The following ARPC5L variants were observed in gnomAD, a reference collection of about 807,000 sequenced individuals.
ARPC5L encodes the protein actin related protein 2/3 complex subunit 5 like.
ARPC5L carries 4 observed loss-of-function variants against 16.9 expected under a neutral mutation model. The ratio of observed to expected loss-of-function variants is 0.24; its 90% CI spans 0.12 to 0.54. The LOEUF (loss-of-function observed/expected upper bound fraction) is 0.54, where lower values mean the gene tolerates loss of function less well. Ranked by LOEUF, ARPC5L falls within the 20% of genes least tolerant of loss-of-function variation. ARPC5L has a pLI of 0.95. For missense variants in ARPC5L, 151 were observed against 201.9 expected (o/e 0.75, Z 1.53); for synonymous variants, 78 against 82.6 (o/e 0.94, Z 0.30).
chr9:124,866,590 G>A (rs553408281), intron 2 of ARPC5L, among the ~76,000 whole-genome samples: 1 of 151,726 alleles, frequency 6.6e-6, no homozygotes, highest in African/African-American at 2.4e-5. Flanking sequence ...GCATGGTGGC[G>A]CATGCCTGTA....
rs374742736 is a variant in ARPC5L at position 124,869,011 on chromosome 9, A to G, written c.-280A>G. The G allele has an allele frequency of 3.6e-5, 12 of 331,780 alleles. No homozygotes were observed. Among genetic ancestry groups the G allele is most frequent in the African/African-American group, 2.4e-4 (11 of 46,568 alleles). The allele number at this position is 331,780 out of a possible 1,614,324, so 20.6% of individuals were successfully genotyped here. On this transcript the variant is annotated 5_prime_UTR_variant, in exon 3 of 6. Coordinates refer to ENST00000353214, the MANE Select transcript of ARPC5L (RefSeq NM_030978.3). ...GCCGGGCGCCCGATCCTCAGTGACA[A>G]AATAGAGACTCCGTGGAAGGGACAC...
Position 124,869,057 on chromosome 9 carries a change from T to C in ARPC5L, c.-234T>C. 2 of 401,032 alleles carry C rather than the reference T, an allele frequency of 5.0e-6. No homozygotes were observed. Among genetic ancestry groups the C allele is most frequent in the East Asian group, 8.1e-5 (2 of 24,760 alleles). The allele number at this position is 401,032 out of a possible 1,614,324, so 24.8% of individuals were successfully genotyped here. Reference sequence around the variant, plus strand: ...GACACTGAGGTGGGGGAGGCTGCGGTGATCCCATACCGCACTCCAGGTGCC... The same window carrying C: ...GACACTGAGGTGGGGGAGGCTGCGGCGATCCCATACCGCACTCCAGGTGCC... On this transcript the variant is annotated 5_prime_UTR_variant, in exon 3 of 6. Transcript: ENST00000353214.
chr9:124,862,151 G>A lies in ARPC5L; in HGVS notation c.-1231G>A, dbSNP rs914890728. 2 of 481,898 alleles carry A rather than the reference G, an allele frequency of 4.2e-6. No homozygotes were observed. The highest frequency in any genetic ancestry group is 3.7e-5 in the South Asian group (1 of 26,704). 29.9% of individuals were successfully genotyped at this position (481,898 alleles called of 1,614,324 possible). On this transcript the variant is annotated 5_prime_UTR_variant, in exon 1 of 6. Transcript: ENST00000353214. ...CCTCATTCACGGCACCCCTGATAGC[G>A]AGGTCGGCGTCACGGTGTAGGCGCG...
chr9:124,863,014 ATTTGTTTATTTT>A (rs1829224585), intron 1 of ARPC5L, among the ~76,000 whole-genome samples: 1 of 151,104 alleles, frequency 6.6e-6, no homozygotes, highest in Non-Finnish European at 1.5e-5. Context: ...GGCCTGGCTA[ATTTGTTTATTTT>A]TTGTAGAGCT....
Position 124,877,053 on chromosome 9 carries a change from G to GAT in ARPC5L, c.*114_*115insTA. On this transcript the variant is annotated 3_prime_UTR_variant, in exon 6 of 6. Coordinates refer to ENST00000353214, the MANE Select transcript of ARPC5L (RefSeq NM_030978.3). ...GGAACTCCCAAGTAAACTATTTCAG[G>GAT]ACATGTATCTGCTGAAATGTATTTT... is the stretch of plus-strand genomic sequence containing the variant. 3 of 763,862 alleles carry GAT rather than the reference G, an allele frequency of 3.9e-6. No homozygotes were observed. The highest frequency in any genetic ancestry group is 6.3e-6 in the Non-Finnish European group (3 of 478,550). 47.3% of individuals were successfully genotyped at this position (763,862 alleles called of 1,614,324 possible).
chr9:124,863,443 G>C (rs947395112), intron 1 of ARPC5L, among the ~76,000 whole-genome samples: 1 of 152,132 alleles, frequency 6.6e-6, no homozygotes, highest in Admixed American at 6.6e-5. Flanking sequence ...CACTGCGCCC[G>C]GCTAGTACAG....
At position 124,875,161 on chromosome 9, in the gene ARPC5L, C is replaced by T. The variant is rs763317844; in HGVS notation, c.399+10C>T. 156 of 1,608,484 alleles carry T rather than the reference C, an allele frequency of 9.7e-5. 1 individual carries two copies. The Admixed American group carries it at 1.9e-3, about 20-fold the overall frequency. On this transcript the variant is annotated intron_variant, in intron 5 of 5. Transcript: ENST00000353214. The stretch of plus-strand genomic sequence containing the variant: ...CCAGTGGCACGAAAAGGTATGTGAA[C>T]GCTGCCACGCGCCCCAGTGAGCCAC...
At chr9:124,875,399 G>T (rs1042306147) in intron 5 of ARPC5L, among the ~76,000 whole-genome samples, 4 of 152,214 alleles carry the variant, frequency 2.6e-5, no homozygotes, top group African/African-American at 9.7e-5. Flanking sequence ...GCAAGACAGG[G>T]TGCCCTTGGT....
In ARPC5L at chr9:124,877,142, G is replaced by A; in HGVS notation, c.*202G>A. On this transcript the variant is annotated 3_prime_UTR_variant, in exon 6 of 6. Transcript: ENST00000353214. ...TCCTGTTTAGGATCTGATAGTCTAT[G>A]CCTTTGTCTCCGAGTACTGCAGAAC... The A allele has an allele frequency of 3.5e-6, 2 of 574,660 alleles. No homozygotes were observed. The highest frequency in any genetic ancestry group is 3.1e-5 in the East Asian group (1 of 32,716). 35.6% of individuals were successfully genotyped at this position (574,660 alleles called of 1,614,324 possible).
At position 124,877,188 on chromosome 9, in the gene ARPC5L, AGC is replaced by A. The variant is rs1829456240; in HGVS notation, c.*250_*251del. ...AGAACTGACATTTTGACGGTCTACC[AGC>A]GTGGCGGCTGGTGTTGGTCAGATGC... On this transcript the variant is annotated 3_prime_UTR_variant, in exon 6 of 6. Transcript: ENST00000353214. The A allele has an allele frequency of 2.2e-6, 1 of 459,356 alleles. No homozygotes were observed. Among genetic ancestry groups the A allele is most frequent in the African/African-American group, 2.0e-5 (1 of 48,842 alleles). 28.5% of individuals were successfully genotyped at this position (459,356 alleles called of 1,614,324 possible).
rs756297570 is a variant in ARPC5L at position 124,869,483 on chromosome 9, TCACCTTCC to T, written c.149+60_149+67del. The T allele has an allele frequency of 1.3e-4, 186 of 1,415,580 alleles. 2 individuals are homozygous for T. In the East Asian group the frequency reaches 3.8e-3, roughly 29 times the overall value. The allele number at this position is 1,415,580 out of a possible 1,614,324, so 87.7% of individuals were successfully genotyped here. A position where few individuals can be genotyped will look rare whatever the true frequency, so the allele number is the denominator to read the frequency against. On this transcript the variant is annotated intron_variant, in intron 3 of 5. Coordinates refer to ENST00000353214, the MANE Select transcript of ARPC5L (RefSeq NM_030978.3). ...GCGTCCGGGCCTGCGCGCGGCCTTC[TCACCTTCC>T]CACCTTCCCACCTTCTCGGGCCCTT...
chr9:124,865,155 A>G (rs1829251186), intron 2 of ARPC5L, among the ~76,000 whole-genome samples: 1 of 151,880 alleles, frequency 6.6e-6, no homozygotes, highest in African/African-American at 2.4e-5. Flanking sequence ...CTTAAATGAA[A>G]GTCTAGGCCG....
intron 2 of ARPC5L, 148 bp from the exon 3 acceptor site, chr9:124,868,280 A>T (rs1401789673): frequency 6.6e-6 from 1 of 152,202 alleles, no homozygotes; most frequent in East Asian, 1.9e-4. Context: ...AGATGAAAAT[A>T]GTTTTCACAC....
In ARPC5L at chr9:124,869,320, C is replaced by T. The variant is rs1829320008; in HGVS notation, c.30C>T (p.Phe10=). The part of the protein sequence containing the change: MARNTLSSR[F]RRVDIDEFDE... Reference sequence around the variant, plus strand: ...CCCGGAACACGCTGTCCTCGCGCTTCCGCCGGGTGGACATCGACGAATTTG... The same window carrying T: ...CCCGGAACACGCTGTCCTCGCGCTTTCGCCGGGTGGACATCGACGAATTTG... Residue 10 remains phenylalanine, a synonymous_variant, in exon 3 of 6, where the codon TTC becomes TTT. Transcript: ENST00000353214. The T allele has an allele frequency of 6.5e-7, 1 of 1,531,454 alleles. No individual in the cohort carries two copies. Among genetic ancestry groups the T allele is most frequent in the Non-Finnish European group, 8.8e-7 (1 of 1,139,166 alleles). The allele number at this position is 1,531,454 out of a possible 1,614,324, so 94.9% of individuals were successfully genotyped here. A position where few individuals can be genotyped will look rare whatever the true frequency, so the allele number is the denominator to read the frequency against.
At chr9:124,873,287 C>CT (rs1236216647) in intron 3 of ARPC5L, 4 of 204,094 alleles carry the variant, frequency 2.0e-5, no homozygotes, top group African/African-American at 9.2e-5. Context: ...GGAGGTCTCC[C>CT]TTTGTACCTA....
intron 5 of ARPC5L, among the ~76,000 whole-genome samples, chr9:124,876,452 C>T (rs1217535782): frequency 1.3e-5 from 2 of 152,268 alleles, no homozygotes; most frequent in East Asian, 3.9e-4. Context: ...TGCCATTGCA[C>T]TCCAGCCTGG....
In ARPC5L at chr9:124,862,249, A is replaced by T. The variant is rs930031192; in HGVS notation, c.-1133A>T. ...GCACACGGAGGACTCAAATTCGTCC[A>T]TTCAGTCATTCGTTCATTCATTCCT... On this transcript the variant is annotated 5_prime_UTR_variant, in exon 1 of 6. Transcript: ENST00000353214. The T allele has an allele frequency of 9.0e-6, 3 of 334,958 alleles. No homozygotes were observed. The highest frequency in any genetic ancestry group is 9.6e-5 in the Admixed American group (2 of 20,890). The allele number at this position is 334,958 out of a possible 1,614,324, so 20.7% of individuals were successfully genotyped here.
chr9:124,870,559 T>G (rs1829341645), intron 3 of ARPC5L, among the ~76,000 whole-genome samples: 1 of 152,054 alleles, frequency 6.6e-6, no homozygotes, highest in African/African-American at 2.4e-5. Flanking sequence ...CCGAAAACCT[T>G]CAGACTTGAT....
At position 124,869,383 on chromosome 9, in the gene ARPC5L, G is replaced by A. The variant is rs1038523494; in HGVS notation, c.93G>A (p.Ala31=). The part of the protein sequence containing the change: ...NKFVDEQEEA[A]AAAAEPGPDP... ...TTGTGGACGAGCAGGAGGAGGCGGC[G>A]GCGGCGGCGGCGGAGCCAGGCCCGG... is the stretch of plus-strand genomic sequence containing the variant. Residue 31 remains alanine, a synonymous_variant, in exon 3 of 6, where the codon GCG becomes GCA. Transcript: ENST00000353214. 4 of 1,513,470 alleles carry A rather than the reference G, an allele frequency of 2.6e-6. No individual in the cohort carries two copies. In the African/African-American group the frequency reaches 4.4e-5, roughly 16 times the overall value. The allele number at this position is 1,513,470 out of a possible 1,614,324, so 93.8% of individuals were successfully genotyped here. A position where few individuals can be genotyped will look rare whatever the true frequency, so the allele number is the denominator to read the frequency against.
Sources: allele counts gnomAD v4.1 joint callset (sites outside exome capture counted in the v4.1 genomes callset), GRCh38; gene constraint gnomAD v4.1.1; transcripts MANE v1.5; gene names NCBI Gene and HGNC (gene_info 2026-07-23, HGNC 2026-07-21).